Variants in MPP7 observed in about 807,000 individuals in gnomAD.
MPP7 encodes MAGUK p55 subfamily member 7.
Under a neutral mutation model 76.5 loss-of-function variants are expected in MPP7, and 60 were observed. The observed-to-expected ratio is 0.78, with a 90% CI of 0.64 to 0.97. MPP7 has a LOEUF of 0.97. Ranked by LOEUF, MPP7 falls within the 50% of genes least tolerant of loss-of-function variation. The pLI is 0.00. For synonymous variants in MPP7, 237 were observed against 244.5 expected (o/e 0.97, Z 0.29); for missense variants, 641 against 694.0 (o/e 0.92, Z 0.86).
rs1588708216 is a variant in MPP7 at position 28,059,510 on chromosome 10, T to C, written c.1298+140A>G. 1.2e-5 allele frequency: 7 copies of C among 568,718 alleles called. No homozygotes were observed. The East Asian group carries it at 2.1e-4, about 17-fold the overall frequency. The allele number at this position is 568,718 out of a possible 1,614,324, so 35.2% of individuals were successfully genotyped here. ...GATTAACAATAATTACCAACCAAAT[T>C]ATTACCTTTTCATCTGTTTCAAATA... On this transcript the variant is annotated intron_variant, in intron 14 of 16. Transcript: ENST00000683449.
At chr10:28,076,564 C>T (rs557736519) in intron 12 of MPP7, among the ~76,000 whole-genome samples, 10 of 151,488 alleles carry the variant, frequency 6.6e-5, no homozygotes, top group African/African-American at 2.2e-4. Flanking sequence ...CACACAGAAG[C>T]AAACACAGCA....
At chr10:28,289,653 A>G (rs1487941501) in intron 1 of MPP7, among the ~76,000 whole-genome samples, 1 of 152,156 alleles carries the variant, frequency 6.6e-6, no homozygotes, top group Non-Finnish European at 1.5e-5. Context: ...TGAAACGGCA[A>G]GGTTCTGAGC....
intron 11 of MPP7, 67 bp from the exon 12 acceptor site, chr10:28,089,908 A>G (rs1010242221): frequency 4.4e-5 from 39 of 880,634 alleles, no homozygotes; most frequent in Admixed American, 3.1e-4. Context: ...AAAAAAAAAA[A>G]ACCCTCAGAG....
intron 3 of MPP7, among the ~76,000 whole-genome samples, chr10:28,183,291 G>A (rs983932520): frequency 7.9e-5 from 12 of 151,858 alleles, no homozygotes; most frequent in Non-Finnish European, 1.8e-4. Context: ...TCTCTCTTAA[G>A]CTGTGTGTTG....
chr10:28,263,909 G>A lies in MPP7; in HGVS notation c.-131-25174C>T, dbSNP rs575932751. Among the ~76,000 whole-genome samples the A allele has an allele frequency of 1.7e-4, 26 of 152,266 alleles. 1 individual carries two copies. In the South Asian group the frequency reaches 4.8e-3, roughly 28 times the overall value. The stretch of plus-strand genomic sequence containing the variant: ...AGCTTGGGAGTCAGGTAGGGAAAGC[G>A]TTCTAGCTCCATACCCAATTCCAGA... On this transcript the variant is annotated intron_variant, in intron 1 of 16. Coordinates refer to ENST00000683449, the MANE Select transcript of MPP7 (RefSeq NM_001318170.2).
chr10:28,289,087 G>A (rs2133121014), intron 1 of MPP7, among the ~76,000 whole-genome samples: 1 of 152,160 alleles, frequency 6.6e-6, no homozygotes, highest in African/African-American at 2.4e-5. Flanking sequence ...ATCATTTGAG[G>A]TCAGGAGTTC....
chr10:28,069,619 C>CA lies in MPP7; in HGVS notation c.1204+152dup, dbSNP rs199509190. Among the ~76,000 whole-genome samples the CA allele has an allele frequency of 1.3e-3, 170 of 131,444 alleles. 2 individuals are homozygous for CA. The highest frequency in any genetic ancestry group is 1.9e-3 in the African/African-American group (54 of 28,712). The allele number at this position is 131,444 out of a possible 152,430, so 86.2% of individuals were successfully genotyped here. Reference sequence around the variant, plus strand: ...CTCCATCTCAAAAAAACAAAACAAACAAAAAAAAAACTCACATGCCCCATA... The same window carrying CA: ...CTCCATCTCAAAAAAACAAAACAAACAAAAAAAAAAACTCACATGCCCCATA... On this transcript the variant is annotated intron_variant, in intron 13 of 16. Coordinates refer to ENST00000683449, the MANE Select transcript of MPP7 (RefSeq NM_001318170.2).
chr10:28,293,190 T>C (rs1293553970), intron 1 of MPP7, among the ~76,000 whole-genome samples: 1 of 151,046 alleles, frequency 6.6e-6, no homozygotes, highest in African/African-American at 2.4e-5. Context: ...AGAAAACTGC[T>C]ATAAATTAGG....
chr10:28,293,318 T>C (rs1281489104), intron 1 of MPP7, among the ~76,000 whole-genome samples: 2 of 152,188 alleles, frequency 1.3e-5, no homozygotes, highest in Non-Finnish European at 1.5e-5. Context: ...TCCACTGCAT[T>C]AGTAATCAGA....
intron 2 of MPP7, among the ~76,000 whole-genome samples, chr10:28,313,164 T>C (rs1174800829): frequency 1.3e-5 from 2 of 152,148 alleles, no homozygotes; most frequent in Admixed American, 1.3e-4. Flanking sequence ...ACAAAGGAAC[T>C]TAATAGTTAA....
At chr10:28,157,276 G>T (rs1015096831) in intron 3 of MPP7, among the ~76,000 whole-genome samples, 2 of 151,980 alleles carry the variant, frequency 1.3e-5, no homozygotes, top group African/African-American at 4.8e-5. Context: ...CTTCAAAGAC[G>T]ATACAGGGCT....
In MPP7 at chr10:28,295,999, G is replaced by A. The variant is rs141042272; in HGVS notation, c.-132+6862C>T. Among the ~76,000 whole-genome samples, 702 of 152,160 alleles carry A rather than the reference G, an allele frequency of 4.6e-3. 6 individuals carry two copies. The highest frequency in any genetic ancestry group is 0.015 in the African/African-American group (636 of 41,504). On this transcript the variant is annotated intron_variant, in intron 1 of 16. Transcript: ENST00000683449. ...AATAACTCTCTGAAGCTATTCACTC[G>A]CATACTCAAGTCATTAATTTTATAA...
At chr10:28,112,708 C>T in intron 11 of MPP7, among the ~76,000 whole-genome samples, 1 of 152,102 alleles carries the variant, frequency 6.6e-6, no homozygotes, top group East Asian at 1.9e-4. Context: ...AAACGTTGAT[C>T]TCAGAAGAGA....
At chr10:28,192,082 C>T (rs2801832) in intron 3 of MPP7, among the ~76,000 whole-genome samples, 139,830 of 151,934 alleles carry the variant, frequency 0.92, 64,465 homozygotes, top group African/African-American at 0.98. Context: ...TAAGACTCTG[C>T]CTTTAAAAAA....
intron 12 of MPP7, among the ~76,000 whole-genome samples, chr10:28,078,486 G>A (rs576493442): frequency 6.6e-6 from 1 of 152,320 alleles, no homozygotes; most frequent in South Asian, 2.1e-4. Context: ...AGCCAAAAAG[G>A]CACATTAAAA....
chr10:28,107,688 G>A (rs529672711), intron 11 of MPP7, among the ~76,000 whole-genome samples: 1 of 152,222 alleles, frequency 6.6e-6, no homozygotes, highest in South Asian at 2.1e-4. Flanking sequence ...TTTGCGAAAG[G>A]TGAAACACTC....
At chr10:28,332,459 C>T (rs1288692131) in intron 1 of MPP7, among the ~76,000 whole-genome samples, 1 of 152,138 alleles carries the variant, frequency 6.6e-6, no homozygotes, top group Admixed American at 6.5e-5. Flanking sequence ...AGTTTACACA[C>T]ATTTTGTGAT....
In MPP7 at chr10:28,069,109, C is replaced by T. The variant is rs539482737; in HGVS notation, c.1204+663G>A. Among the ~76,000 whole-genome samples, 72 of 152,036 alleles carry T rather than the reference C, an allele frequency of 4.7e-4. 1 individual carries two copies. The highest frequency in any genetic ancestry group is 1.6e-3 in the African/African-American group (65 of 41,478). ...GTAAGTACTAAGCAATCATTATTAA[C>T]GAGTACAAAAAGAAAATAGTTACAA... On this transcript the variant is annotated intron_variant, in intron 13 of 16. Coordinates refer to ENST00000683449, the MANE Select transcript of MPP7 (RefSeq NM_001318170.2).
chr10:28,230,645 C>T (rs937623287), intron 2 of MPP7, among the ~76,000 whole-genome samples: 2 of 152,020 alleles, frequency 1.3e-5, no homozygotes, highest in South Asian at 4.1e-4. Flanking sequence ...GAAACCCCAT[C>T]TCTACAAAAA....
Sources: allele counts gnomAD v4.1 joint callset (sites outside exome capture counted in the v4.1 genomes callset), GRCh38; gene constraint gnomAD v4.1.1; transcripts MANE v1.5; gene names NCBI Gene and HGNC (gene_info 2026-07-23, HGNC 2026-07-21).